The following GNG4 variants were observed in gnomAD, a reference collection of about 807,000 sequenced individuals.
GNG4 encodes guanine nucleotide-binding protein G(I)/G(S)/G(O) subunit gamma-4.
GNG4 carries 4 observed loss-of-function variants against 5.8 expected under a neutral mutation model. That is an observed-to-expected ratio of 0.69 (90% CI 0.34 to 1.57). The LOEUF (loss-of-function observed/expected upper bound fraction) is 1.57, where lower values mean the gene tolerates loss of function less well. GNG4 is among the 40% of genes most tolerant of loss of function. The pLI is 0.06. For synonymous variants in GNG4, 29 were observed against 32.9 expected, an observed-to-expected ratio of 0.88 and a Z score of 0.41; for missense variants, 96 against 95.1, an observed-to-expected ratio of 1.01 and a Z score of -0.04.
At chr1:235,608,935 C>T (rs1352936390) in intron 1 of GNG4, among the ~76,000 whole-genome samples, 2 of 152,102 alleles carry the variant, frequency 1.3e-5, no homozygotes, top group East Asian at 3.8e-4. Context: ...CCACCCGCCT[C>T]GGCCTCCTAA....
At chr1:235,613,267 T>C (rs1022995237) in intron 1 of GNG4, among the ~76,000 whole-genome samples, 2 of 152,176 alleles carry the variant, frequency 1.3e-5, no homozygotes, top group African/African-American at 2.4e-5. Flanking sequence ...CCATAAGCAA[T>C]GTTGCCTGGC....
intron 3 of GNG4, among the ~76,000 whole-genome samples, chr1:235,562,711 T>C: frequency 6.7e-6 from 1 of 150,280 alleles, no homozygotes; most frequent in East Asian, 1.9e-4. Context: ...GGATTCTGAT[T>C]GGGATCACAT....
At chr1:235,580,752 T>TG (rs1687612835) in intron 3 of GNG4, among the ~76,000 whole-genome samples, 2 of 146,698 alleles carry the variant, frequency 1.4e-5, no homozygotes, top group South Asian at 2.2e-4. Flanking sequence ...TTTTGTTTTT[T>TG]TTTTTTTTTT....
chr1:235,581,334 C>T (rs1687630024), intron 3 of GNG4, among the ~76,000 whole-genome samples: 1 of 152,012 alleles, frequency 6.6e-6, no homozygotes, highest in Admixed American at 6.6e-5. Flanking sequence ...TTGAGACCAT[C>T]CTCACCAACA....
intron 1 of GNG4, among the ~76,000 whole-genome samples, chr1:235,618,801 A>T (rs927402503): frequency 6.6e-6 from 1 of 151,466 alleles, no homozygotes; most frequent in Non-Finnish European, 1.5e-5. Context: ...GATTACAGGC[A>T]TGTGCCACCC....
At position 235,597,623 on chromosome 1, in the gene GNG4, TGTGTGTA is replaced by T. The variant is rs1558491496; in HGVS notation, c.-122-2119_-122-2113del. 3.5e-3 allele frequency among the ~76,000 whole-genome samples: 350 copies of T among 101,064 alleles called. 6 individuals are homozygous for T. Among genetic ancestry groups the T allele is most frequent in the East Asian group, 0.02 (94 of 4,654 alleles). The allele number at this position is 101,064 out of a possible 152,430, so 66.3% of individuals were successfully genotyped here. A position where few individuals can be genotyped will look rare whatever the true frequency, so the allele number is the denominator to read the frequency against. ...GTGTGTGTGTGTGTGTGTGTGTGTGTGTGTGTATTTTTTTTTTTTTCAGATGGAGTCT... is the reference window on the plus strand; with the variant it reads ...GTGTGTGTGTGTGTGTGTGTGTGTGTTTTTTTTTTTTTTCAGATGGAGTCT... On this transcript the variant is annotated intron_variant, in intron 1 of 3. Transcript: ENST00000391854.
At chr1:235,589,886 C>T (rs1687918774) in intron 2 of GNG4, among the ~76,000 whole-genome samples, 1 of 152,090 alleles carries the variant, frequency 6.6e-6, no homozygotes, top group Non-Finnish European at 1.5e-5. Flanking sequence ...AGATAATGTA[C>T]TCCTCATGGT....
chr1:235,614,216 A>G (rs1172805177), intron 1 of GNG4, among the ~76,000 whole-genome samples: 2 of 152,020 alleles, frequency 1.3e-5, no homozygotes, highest in African/African-American at 4.8e-5. Context: ...CATTCTTTGT[A>G]ATATCCTTTT....
intron 1 of GNG4, among the ~76,000 whole-genome samples, chr1:235,647,018 CG>C (rs1320304023): frequency 1.3e-5 from 2 of 152,136 alleles, no homozygotes; most frequent in African/African-American, 4.8e-5. Flanking sequence ...TTCAGTCTTT[CG>C]GTAGTATTAC....
intron 3 of GNG4, among the ~76,000 whole-genome samples, chr1:235,575,686 A>G (rs1687466412): frequency 6.6e-6 from 1 of 152,210 alleles, no homozygotes; most frequent in African/African-American, 2.4e-5. Flanking sequence ...AGTTGCTTCT[A>G]GTCCCTGGCT....
intron 3 of GNG4, among the ~76,000 whole-genome samples, chr1:235,583,219 T>A (rs1457741635): frequency 1.3e-5 from 2 of 152,216 alleles, no homozygotes; most frequent in Non-Finnish European, 2.9e-5. Flanking sequence ...GGTGGCTTCA[T>A]CTTGCTGCAG....
Position 235,628,993 on chromosome 1 carries a change from A to AT in GNG4, c.-123+20668dup, listed in dbSNP as rs1054950474. ...GCGATAAAGTCAAACATTTGCTTGAATTTTTTTTTTTTTTTTTTTGCTTTT... is the reference window on the plus strand; with the variant it reads ...GCGATAAAGTCAAACATTTGCTTGAATTTTTTTTTTTTTTTTTTTTGCTTTT... On this transcript the variant is annotated intron_variant, in intron 1 of 3. Coordinates refer to ENST00000391854, the MANE Select transcript of GNG4 (RefSeq NM_001098722.2). Among the ~76,000 whole-genome samples the AT allele has an allele frequency of 8.7e-3, 1,033 of 118,290 alleles. 3 individuals carry two copies. Among genetic ancestry groups the AT allele is most frequent in the South Asian group, 0.027 (96 of 3,594 alleles). The allele number at this position is 118,290 out of a possible 152,430, so 77.6% of individuals were successfully genotyped here. A position where few individuals can be genotyped will look rare whatever the true frequency, so the allele number is the denominator to read the frequency against.
At chr1:235,632,392 G>A (rs530787199) in intron 1 of GNG4, among the ~76,000 whole-genome samples, 4 of 152,286 alleles carry the variant, frequency 2.6e-5, no homozygotes, top group Admixed American at 2.6e-4. Context: ...CGGCCAACAT[G>A]TTTCTCATCT....
chr1:235,600,145 C>CA (rs1397251122), intron 1 of GNG4, among the ~76,000 whole-genome samples: 1 of 96,824 alleles, frequency 1.0e-5, no homozygotes, highest in East Asian at 2.9e-4. Context: ...GGCAGAGTCT[C>CA]ACTCTGTCGC....
In GNG4 at chr1:235,577,301, G is replaced by T. The variant is rs113681822; in HGVS notation, c.99+6439C>A. On this transcript the variant is annotated intron_variant, in intron 3 of 3. Coordinates refer to ENST00000391854, the MANE Select transcript of GNG4 (RefSeq NM_001098722.2). ...GCTCTGTGGGCCTGGGAGTTGCCAC[G>T]ATTCCTACCATGGACCCTCCAGCTG... 1.5e-4 allele frequency among the ~76,000 whole-genome samples: 23 copies of T among 152,232 alleles called. No homozygotes were observed. In the East Asian group the frequency reaches 3.1e-3, roughly 20 times the overall value.
chr1:235,602,259 G>A (rs1037139008), intron 1 of GNG4, among the ~76,000 whole-genome samples: 15 of 151,978 alleles, frequency 9.9e-5, no homozygotes, highest in Admixed American at 2.0e-4. Flanking sequence ...TCCACAGAGC[G>A]AGACCCGATC....
chr1:235,635,872 T>C (rs1025367360), intron 1 of GNG4, among the ~76,000 whole-genome samples: 25 of 152,348 alleles, frequency 1.6e-4, no homozygotes, highest in Middle Eastern at 3.4e-3. Flanking sequence ...GCAATTGCTC[T>C]ACACAGGTTT....
rs1553374054 is a variant in GNG4, at chr1:235,648,022, G to GCC, written c.-123+1639_-123+1640insGG. 6.7e-6 allele frequency among the ~76,000 whole-genome samples: 1 copy of GCC among 150,246 alleles called. No individual in the cohort carries two copies. Among genetic ancestry groups the GCC allele is most frequent in the African/African-American group, 2.5e-5 (1 of 39,686 alleles). Reference sequence around the variant, plus strand: ...AAACTGTAAAGTGAATCTAGGAAAAGCTTTTTTTTTTTCTGGTTTCTCCAC... The same window carrying GCC: ...AAACTGTAAAGTGAATCTAGGAAAAGCCCTTTTTTTTTTTCTGGTTTCTCCAC... On this transcript the variant is annotated intron_variant, in intron 1 of 3. Coordinates refer to ENST00000391854, the MANE Select transcript of GNG4 (RefSeq NM_001098722.2). The surrounding 1 kb of genome is among the most constrained non-coding windows in gnomAD (Gnocchi z 5.0).
rs1268782824 is a variant in GNG4 at position 235,648,098 on chromosome 1, T to C, written c.-123+1564A>G. On this transcript the variant is annotated intron_variant, in intron 1 of 3. Coordinates refer to ENST00000391854, the MANE Select transcript of GNG4 (RefSeq NM_001098722.2). This position sits in a 1 kb window ranked among gnomAD's most constrained non-coding sequence, Gnocchi z 5.0. ...TCATAGGACTGCTGGGAATGGCCCC[T>C]TAGCTGTGCTGTTTCTGAGCCAGGC... Among the ~76,000 whole-genome samples the C allele has an allele frequency of 6.6e-6, 1 of 152,084 alleles. No individual in the cohort carries two copies. The highest frequency in any genetic ancestry group is 2.4e-5 in the African/African-American group (1 of 41,374).
Sources: gnomAD v4.1 joint callset for allele counts (sites outside exome capture counted in the v4.1 genomes callset) on GRCh38, gnomAD v4.1.1 for gene constraint, Gnocchi (gnomAD v3.1) non-coding constraint, MANE v1.5 for transcripts, NCBI Gene and HGNC (gene_info 2026-07-23, HGNC 2026-07-21) for gene names.